ZFAT: variants seen among roughly 807,000 people sequenced by gnomAD.
The protein encoded by ZFAT is zinc finger and AT-hook domain containing.
In ZFAT, 64 loss-of-function variants were observed where a neutral mutation model predicts 117.7. The ratio of observed to expected loss-of-function variants is 0.54; its 90% CI spans 0.44 to 0.67. The LOEUF (loss-of-function observed/expected upper bound fraction) is 0.67, where lower values mean the gene tolerates loss of function less well. Ranked by LOEUF, ZFAT falls within the 30% of genes least tolerant of loss-of-function variation. The probability of loss-of-function intolerance (pLI) is 0.00; values close to 1 mark genes in which losing one functional copy is unlikely to be tolerated. For synonymous variants in ZFAT, 679 were observed against 615.0 expected, an observed-to-expected ratio of 1.10 and a Z score of -1.54; for missense variants, 1,433 against 1,584.5, an observed-to-expected ratio of 0.90 and a Z score of 1.62.
intron 10 of ZFAT, 91 bp from the exon 11 acceptor site, chr8:134,565,512 G>A: frequency 8.2e-7 from 1 of 1,212,440 alleles, no homozygotes; most frequent in South Asian, 1.3e-5. Flanking sequence ...GTACACAAAG[G>A]TGTTCCTTGC....
chr8:134,581,430 G>A (rs190209509), intron 10 of ZFAT, among the ~76,000 whole-genome samples: 1 of 152,216 alleles, frequency 6.6e-6, no homozygotes, highest in East Asian at 1.9e-4. Context: ...TCAGAGAATT[G>A]AGGCTGAAAG....
chr8:134,627,873 T>C (rs1255886812), intron 3 of ZFAT, among the ~76,000 whole-genome samples: 1 of 152,192 alleles, frequency 6.6e-6, no homozygotes, highest in Non-Finnish European at 1.5e-5. Flanking sequence ...CCCTGGACTT[T>C]GGTAAAGAAA....
chr8:134,511,837 A>G (rs932614688), intron 14 of ZFAT, among the ~76,000 whole-genome samples: 1 of 152,186 alleles, frequency 6.6e-6, no homozygotes, highest in South Asian at 2.1e-4. Context: ...TGATGTAAAA[A>G]TCCTGACTGG....
At chr8:134,613,778 G>A (rs561536666) in intron 3 of ZFAT, among the ~76,000 whole-genome samples, 40 of 152,238 alleles carry the variant, frequency 2.6e-4, no homozygotes, top group African/African-American at 9.6e-4. Flanking sequence ...GAAAAGTACC[G>A]CCTCTCTTCC....
At position 134,583,815 on chromosome 8, in the gene ZFAT, T is replaced by G. The variant is rs1162276292; in HGVS notation, c.2887+17A>C. ...ACACATTTAGAGGGGAAAGTTCACC[T>G]TGGGCCATTTACTCACCATCTGCAG... On this transcript the variant is annotated intron_variant, in intron 10 of 15. Coordinates refer to ENST00000377838, the MANE Select transcript of ZFAT (RefSeq NM_020863.4). The G allele has an allele frequency of 6.2e-7, 1 of 1,612,820 alleles. No homozygotes were observed. The highest frequency in any genetic ancestry group is 8.5e-7 in the Non-Finnish European group (1 of 1,179,296).
At chr8:134,511,574 G>A (rs902920125) in intron 14 of ZFAT, among the ~76,000 whole-genome samples, 9 of 152,262 alleles carry the variant, frequency 5.9e-5, no homozygotes, top group Middle Eastern at 6.8e-3. Context: ...GGTAAAAATG[G>A]TGTCTTTCTA....
the ZFAT span, among the ~76,000 whole-genome samples, chr8:134,736,628 A>G: frequency 6.6e-6 from 1 of 151,964 alleles, no homozygotes; most frequent in Non-Finnish European, 1.5e-5. Flanking sequence ...TTGCTCTTTC[A>G]CACAGGTTGG....
chr8:134,694,241 T>C (rs2131338810), intron 1 of ZFAT, among the ~76,000 whole-genome samples: 1 of 152,292 alleles, frequency 6.6e-6, no homozygotes, highest in South Asian at 2.1e-4. Context: ...GCTGGGACAA[T>C]CAGTGACATC....
chr8:134,645,195 A>T (rs980832082), intron 2 of ZFAT, among the ~76,000 whole-genome samples: 46 of 152,386 alleles, frequency 3.0e-4, no homozygotes, highest in African/African-American at 1.1e-3. Flanking sequence ...TTATAACGAG[A>T]GACCAAAATA....
intron 1 of ZFAT, among the ~76,000 whole-genome samples, chr8:134,681,701 A>G (rs1833077293): frequency 6.6e-6 from 1 of 152,202 alleles, no homozygotes; most frequent in African/African-American, 2.4e-5. Context: ...CTAAGATCCT[A>G]TTAAATTATC....
Position 134,532,826 on chromosome 8 carries a change from T to A in ZFAT, c.3115+8A>T. 6.2e-7 allele frequency: 1 copy of A among 1,609,288 alleles called. No individual in the cohort carries two copies. The highest frequency in any genetic ancestry group is 8.5e-7 in the Non-Finnish European group (1 of 1,178,382). ...GGCAGGGCCCCAGCTCGCTGGCCCC[T>A]CGCCTACCTTGCTGGATGAGCACCT... On this transcript the variant is annotated splice_region_variant and intron_variant, in intron 12 of 15. Coordinates refer to ENST00000377838, the MANE Select transcript of ZFAT (RefSeq NM_020863.4).
chr8:134,497,121 G>T (rs774117993), intron 15 of ZFAT, among the ~76,000 whole-genome samples: 1 of 152,266 alleles, frequency 6.6e-6, no homozygotes, highest in Non-Finnish European at 1.5e-5. Flanking sequence ...AAGCAAGAAG[G>T]AAAGTGGAGG....
intron 1 of ZFAT, among the ~76,000 whole-genome samples, chr8:134,672,928 C>T (rs1344239780): frequency 6.6e-6 from 1 of 152,086 alleles, no homozygotes; most frequent in African/African-American, 2.4e-5. Flanking sequence ...AATCTTAGAA[C>T]ATCAAAAAGA....
chr8:134,803,649 AACT>A, the ZFAT span, among the ~76,000 whole-genome samples: 43 of 152,358 alleles, frequency 2.8e-4, no homozygotes, highest in African/African-American at 9.9e-4. Context: ...CATCTGGGGT[AACT>A]ACATTATGAC....
chr8:134,769,883 C>T, the ZFAT span, among the ~76,000 whole-genome samples: 2 of 152,232 alleles, frequency 1.3e-5, no homozygotes, highest in African/African-American at 4.8e-5. Context: ...GCTGCCAAAC[C>T]TTGGGGCTTG....
intron 1 of ZFAT, chr8:134,696,419 C>T (rs1833845250): frequency 1.0e-6 from 1 of 985,596 alleles, no homozygotes; most frequent in Non-Finnish European, 1.2e-6. Context: ...AAACTCGCAT[C>T]GGGAGAATTA....
At chr8:134,626,333 G>A (rs1829497341) in intron 3 of ZFAT, among the ~76,000 whole-genome samples, 1 of 152,246 alleles carries the variant, frequency 6.6e-6, no homozygotes, top group Non-Finnish European at 1.5e-5. Context: ...AAGAGCTTGA[G>A]CTGGAAAGTC....
intron 3 of ZFAT, among the ~76,000 whole-genome samples, chr8:134,635,634 A>T (rs114464024): frequency 2.2e-3 from 273 of 126,726 alleles, no homozygotes; most frequent in African/African-American, 7.9e-3. Flanking sequence ...AGAGAGAGAG[A>T]GTCAGGGAGA....
At chr8:134,828,220 G>A in the ZFAT span, among the ~76,000 whole-genome samples, 1 of 151,884 alleles carries the variant, frequency 6.6e-6, no homozygotes, top group Non-Finnish European at 1.5e-5. Flanking sequence ...TTGTTCAATT[G>A]AGGAACTAAG....
Sources: allele counts gnomAD v4.1 joint callset (sites outside exome capture counted in the v4.1 genomes callset), GRCh38; gene constraint gnomAD v4.1.1; transcripts MANE v1.5; gene names NCBI Gene and HGNC (gene_info 2026-07-23, HGNC 2026-07-21).